The following DGKB variants were observed in gnomAD, a reference collection of about 807,000 sequenced individuals.
The protein encoded by DGKB is 90 kDa diacylglycerol kinase.
Under a neutral mutation model 114.3 loss-of-function variants are expected in DGKB, and 67 were observed. That is an observed-to-expected ratio of 0.59 (90% CI 0.48 to 0.72). DGKB has a LOEUF of 0.72. Among genes scored for constraint, DGKB ranks in the 30% least tolerant of loss-of-function variants. The pLI, the probability that DGKB is intolerant of heterozygous loss-of-function variation, is 0.00. For missense variants in DGKB, 907 were observed against 975.2 expected, an observed-to-expected ratio of 0.93 and a Z score of 0.93; for synonymous variants, 398 against 323.1, an observed-to-expected ratio of 1.23 and a Z score of -2.49.
intron 2 of DGKB, among the ~76,000 whole-genome samples, chr7:14,836,104 C>A (rs748971542): frequency 9.9e-5 from 15 of 152,094 alleles, no homozygotes; most frequent in Non-Finnish European, 2.1e-4. Flanking sequence ...GAAGGCCATA[C>A]CACTAATAAG....
chr7:14,168,319 A>G (rs1244513693), intron 25 of DGKB, among the ~76,000 whole-genome samples: 2 of 152,232 alleles, frequency 1.3e-5, no homozygotes, highest in Non-Finnish European at 2.9e-5. Flanking sequence ...TCTATGAGAC[A>G]ATACATAAAG....
intron 1 of DGKB, among the ~76,000 whole-genome samples, chr7:14,889,667 T>C (rs963746408): frequency 6.6e-6 from 1 of 151,510 alleles, no homozygotes; most frequent in Non-Finnish European, 1.5e-5. Flanking sequence ...AAAAGTTTCA[T>C]AGGGATCAAT....
At chr7:14,184,135 G>A (rs1783047623) in intron 23 of DGKB, among the ~76,000 whole-genome samples, 1 of 152,164 alleles carries the variant, frequency 6.6e-6, no homozygotes, top group African/African-American at 2.4e-5. Context: ...AAGGCCCTGG[G>A]AGCTCCTGGA....
chr7:14,937,197 T>A (rs375227263), intron 1 of DGKB, among the ~76,000 whole-genome samples: 1 of 152,290 alleles, frequency 6.6e-6, no homozygotes, highest in Admixed American at 6.5e-5. Flanking sequence ...CTATTACTAA[T>A]AGAATTTAAA....
At chr7:14,901,625 G>A (rs1026066636) in intron 1 of DGKB, among the ~76,000 whole-genome samples, 1 of 57,170 alleles carries the variant, frequency 1.7e-5, no homozygotes, top group Admixed American at 1.8e-4. Context: ...ACCCCCCACT[G>A]CCCCACCACC....
At chr7:14,215,198 C>T (rs1191904728) in intron 23 of DGKB, among the ~76,000 whole-genome samples, 1 of 152,168 alleles carries the variant, frequency 6.6e-6, no homozygotes, top group African/African-American at 2.4e-5. Context: ...ACAGAATAAA[C>T]AGGAAGAATA....
intron 2 of DGKB, among the ~76,000 whole-genome samples, chr7:14,773,666 G>T (rs992464415): frequency 2.6e-5 from 4 of 152,042 alleles, no homozygotes; most frequent in Admixed American, 2.6e-4. Context: ...TCAACAATGA[G>T]GGGCACAAAA....
intron 2 of DGKB, among the ~76,000 whole-genome samples, chr7:14,763,935 T>G (rs932180387): frequency 2.0e-5 from 3 of 152,000 alleles, no homozygotes; most frequent in African/African-American, 7.2e-5. Flanking sequence ...GCTAATATGA[T>G]AGTTTTTACA....
chr7:14,562,563 A>G (rs1452991826), intron 20 of DGKB, among the ~76,000 whole-genome samples: 1 of 152,240 alleles, frequency 6.6e-6, no homozygotes, highest in East Asian at 1.9e-4. Flanking sequence ...ATGGAAGCCT[A>G]TCTTTTGCAT....
chr7:14,642,191 C>G (rs762676363), intron 13 of DGKB, among the ~76,000 whole-genome samples: 7 of 151,984 alleles, frequency 4.6e-5, no homozygotes, highest in Admixed American at 3.9e-4. Flanking sequence ...TTTCTATACT[C>G]TTTCTTAATT....
intron 6 of DGKB, among the ~76,000 whole-genome samples, chr7:14,715,402 T>C (rs1244891311): frequency 1.3e-5 from 2 of 152,082 alleles, no homozygotes; most frequent in Non-Finnish European, 1.5e-5. Flanking sequence ...TAAAGTACTA[T>C]GGAGCACTTG....
chr7:14,749,128 G>A (rs1468023258), intron 4 of DGKB, among the ~76,000 whole-genome samples: 1 of 152,118 alleles, frequency 6.6e-6, no homozygotes, highest in African/African-American at 2.4e-5. Flanking sequence ...TAAATATGCA[G>A]CATGGCTATC....
intron 23 of DGKB, among the ~76,000 whole-genome samples, chr7:14,198,203 G>A (rs1325689947): frequency 6.6e-6 from 1 of 152,064 alleles, no homozygotes; most frequent in Non-Finnish European, 1.5e-5. Flanking sequence ...TTGATTCCAG[G>A]TATTGAAAAT....
At chr7:14,640,132 G>T (rs898598746) in intron 13 of DGKB, among the ~76,000 whole-genome samples, 1 of 152,136 alleles carries the variant, frequency 6.6e-6, no homozygotes, top group Non-Finnish European at 1.5e-5. Flanking sequence ...TCACCTACTG[G>T]ACTCAAATCA....
Position 14,764,503 on chromosome 7 carries a change from C to T in DGKB, c.71-6772G>A, listed in dbSNP as rs117902645. On this transcript the variant is annotated intron_variant, in intron 2 of 25. Coordinates refer to ENST00000402815, the MANE Select transcript of DGKB (RefSeq NM_001350709.2). ...TCATCCGGGGATCTTTTAATATACA[C>T]TGATGTTTGCACTCAAAACACAGTG... Among the ~76,000 whole-genome samples, 250 of 151,986 alleles carry T rather than the reference C, an allele frequency of 1.6e-3. 5 individuals are homozygous for T. The East Asian group carries it at 0.044, about 27-fold the overall frequency.
rs1823928634 is a variant in DGKB at position 14,696,480 on chromosome 7, C to T, written c.591+1615G>A. Among the ~76,000 whole-genome samples the T allele has an allele frequency of 3.5e-5, 4 of 114,230 alleles. No homozygotes were observed. The South Asian group carries it at 8.8e-4, about 25-fold the overall frequency. 74.9% of individuals were successfully genotyped at this position (114,230 alleles called of 152,430 possible). On this transcript the variant is annotated intron_variant, in intron 8 of 25. Transcript: ENST00000402815. ...ACTGCAGTCCGCAGTCCGGCCTGGG[C>T]GACAGAGCGAGACTCCGTCTCAAAA...
At chr7:14,871,188 G>T (rs1297466611) in intron 1 of DGKB, among the ~76,000 whole-genome samples, 1 of 152,072 alleles carries the variant, frequency 6.6e-6, no homozygotes, top group Non-Finnish European at 1.5e-5. Context: ...CATATACACT[G>T]TGGAATGATC....
chr7:14,262,386 C>G (rs867641381), intron 23 of DGKB, among the ~76,000 whole-genome samples: 1 of 152,104 alleles, frequency 6.6e-6, no homozygotes, highest in African/African-American at 2.4e-5. Flanking sequence ...ATAAGAGACA[C>G]CCAGGGGACC....
At chr7:14,587,587 A>T (rs1307702720) in intron 17 of DGKB, among the ~76,000 whole-genome samples, 1 of 152,132 alleles carries the variant, frequency 6.6e-6, no homozygotes, top group African/African-American at 2.4e-5. Context: ...CACATGCTAG[A>T]GAGAAATCTT....
Sources: allele counts gnomAD v4.1 joint callset (sites outside exome capture counted in the v4.1 genomes callset), GRCh38; gene constraint gnomAD v4.1.1; transcripts MANE v1.5; gene names NCBI Gene and HGNC (gene_info 2026-07-23, HGNC 2026-07-21).